KIF26B: variants seen among roughly 807,000 people sequenced by gnomAD.
KIF26B encodes the protein kinesin-like protein KIF26B.
A neutral mutation model predicts 151.2 loss-of-function variants in KIF26B; 63 were observed. That is an observed-to-expected ratio of 0.42 (90% CI 0.34 to 0.51). The LOEUF (loss-of-function observed/expected upper bound fraction) is 0.51, where lower values mean the gene tolerates loss of function less well. Among genes scored for constraint, KIF26B ranks in the 20% least tolerant of loss-of-function variants. The probability of loss-of-function intolerance (pLI) is 0.07; values close to 1 mark genes in which losing one functional copy is unlikely to be tolerated. For missense variants in KIF26B, 2,813 were observed against 2,913.6 expected (o/e 0.97, Z 0.79); for synonymous variants, 1,357 against 1,262.1 (o/e 1.08, Z -1.59).
chr1:245,638,445 T>C (rs1190116359), intron 9 of KIF26B, among the ~76,000 whole-genome samples: 1 of 151,954 alleles, frequency 6.6e-6, no homozygotes, highest in South Asian at 2.1e-4. Context: ...TTTGACTTCT[T>C]CCTTTCTAAT....
chr1:245,415,468 G>A (rs572183758), intron 3 of KIF26B, among the ~76,000 whole-genome samples: 32 of 152,204 alleles, frequency 2.1e-4, no homozygotes, highest in African/African-American at 7.0e-4. Flanking sequence ...TGGCACCTTG[G>A]TAAGAAGTTA....
chr1:245,268,046 C>T (rs1670779025), intron 2 of KIF26B, among the ~76,000 whole-genome samples: 1 of 152,098 alleles, frequency 6.6e-6, no homozygotes, highest in Non-Finnish European at 1.5e-5. Flanking sequence ...GTGCCTCATG[C>T]CTATAATCCT....
chr1:245,397,158 G>A (rs531343389), intron 3 of KIF26B, among the ~76,000 whole-genome samples: 79 of 150,250 alleles, frequency 5.3e-4, no homozygotes, highest in African/African-American at 1.8e-3. Flanking sequence ...TAGGAGTTTT[G>A]CCACACTGCC....
chr1:245,219,113 G>A (rs1669707405), intron 2 of KIF26B, among the ~76,000 whole-genome samples: 1 of 138,978 alleles, frequency 7.2e-6, no homozygotes, highest in Non-Finnish European at 1.5e-5. Context: ...ACAGGAGGTA[G>A]CAAATACCTA....
intron 5 of KIF26B, among the ~76,000 whole-genome samples, chr1:245,542,217 G>A (rs1371227220): frequency 6.6e-6 from 1 of 152,240 alleles, no homozygotes. Context: ...GCTGGGCACA[G>A]TGGCAGATGC....
At position 245,694,063 on chromosome 1, in the gene KIF26B, C is replaced by T. The variant is rs555634037; in HGVS notation, c.5825-4043C>T. ...TGATGCTGTGAGATGACACTGTGGT[C>T]CTAGGTGCGGGGTTCGGAATCGCAG... On this transcript the variant is annotated intron_variant, in intron 12 of 14. Transcript: ENST00000407071. 2.6e-5 allele frequency among the ~76,000 whole-genome samples: 4 copies of T among 152,328 alleles called. No individual in the cohort carries two copies. The East Asian group carries it at 7.7e-4, about 29-fold the overall frequency.
chr1:245,659,554 G>T (rs2044111394), intron 10 of KIF26B, among the ~76,000 whole-genome samples: 2 of 152,178 alleles, frequency 1.3e-5, no homozygotes, highest in South Asian at 4.1e-4. Flanking sequence ...ACATATATTT[G>T]CTCTACCGGG....
Position 245,155,525 on chromosome 1 carries a change from G to C in KIF26B, c.63+38G>C, listed in dbSNP as rs538888160. The stretch of plus-strand genomic sequence containing the variant: ...GGTACGACGCGGAGACGCGTTACCA[G>C]ACCCATCTCGGCGGAGGTCCCCCTT... On this transcript the variant is annotated intron_variant, in intron 1 of 14. Coordinates refer to ENST00000407071, the MANE Select transcript of KIF26B (RefSeq NM_018012.4). The C allele has an allele frequency of 1.2e-5, 19 of 1,555,592 alleles. 1 individual carries two copies. The South Asian group carries it at 2.2e-4, about 18-fold the overall frequency.
intron 4 of KIF26B, among the ~76,000 whole-genome samples, chr1:245,438,085 T>G (rs79734484): frequency 0.011 from 1,679 of 152,336 alleles, 37 homozygotes; most frequent in African/African-American, 0.038. Flanking sequence ...TTCTTGACTT[T>G]CCACTATGTT....
rs1553277413 is a variant in KIF26B, at chr1:245,471,115, A to ATGTGTG, written c.1166+51382_1166+51387dup. 2.9e-3 allele frequency among the ~76,000 whole-genome samples: 418 copies of ATGTGTG among 142,558 alleles called. 3 individuals carry two copies. Among genetic ancestry groups the ATGTGTG allele is most frequent in the African/African-American group, 0.01 (404 of 38,906 alleles). 93.5% of individuals were successfully genotyped at this position (142,558 alleles called of 152,430 possible). A position where few individuals can be genotyped will look rare whatever the true frequency, so the allele number is the denominator to read the frequency against. On this transcript the variant is annotated intron_variant, in intron 4 of 14. Transcript: ENST00000407071. ...AGCCTATTATTTAGATTTTGATAGT[A>ATGTGTG]TGTGTGTGTGTGTGTGTATATATAT...
intron 4 of KIF26B, among the ~76,000 whole-genome samples, chr1:245,527,368 T>A (rs1440907529): frequency 6.6e-6 from 1 of 152,112 alleles, no homozygotes; most frequent in African/African-American, 2.4e-5. Flanking sequence ...TGTCTTTCTC[T>A]GTCTATATTT....
rs1157725231 is a variant in KIF26B at position 245,688,219 on chromosome 1, C to G, written c.5236C>G (p.Arg1746Gly). The G allele has an allele frequency of 2.5e-6, 4 of 1,587,900 alleles. No homozygotes were observed. Among genetic ancestry groups the G allele is most frequent in the Non-Finnish European group, 3.4e-6 (4 of 1,171,818 alleles). The change falls in exon 12 of 15, where the codon CGC (arginine) becomes GGC (glycine). Residue 1746 changes from arginine to glycine, a missense_variant. This residue lies in a region of KIF26B where 2,060 missense variants were observed against 2,088.6 expected (regional missense o/e 0.99). Coordinates refer to ENST00000407071, the MANE Select transcript of KIF26B (RefSeq NM_018012.4). The stretch of plus-strand genomic sequence containing the variant: ...ACTCCTCCTGGCCAGCCCCAGAGCG[C>G]GCGGCCCGTCCGCCTCCACCACCAA... ...SRLLLASPRA[R>G]GPSASTTKTL...
At chr1:245,421,751 A>G (rs1277175355) in intron 4 of KIF26B, among the ~76,000 whole-genome samples, 1 of 152,060 alleles carries the variant, frequency 6.6e-6, no homozygotes, top group Non-Finnish European at 1.5e-5. Context: ...GGAGAACATG[A>G]GTTCTCCTTA....
At chr1:245,477,547 G>A (rs1660066934) in intron 4 of KIF26B, among the ~76,000 whole-genome samples, 1 of 151,884 alleles carries the variant, frequency 6.6e-6, no homozygotes, top group Non-Finnish European at 1.5e-5. Flanking sequence ...GTGGAATGGT[G>A]CAGGTGGCAT....
At chr1:245,499,021 G>A (rs1006947345) in intron 4 of KIF26B, among the ~76,000 whole-genome samples, 3 of 152,140 alleles carry the variant, frequency 2.0e-5, no homozygotes, top group Non-Finnish European at 2.9e-5. Flanking sequence ...GAGGCAACCG[G>A]TTGCCAGACT....
intron 10 of KIF26B, among the ~76,000 whole-genome samples, chr1:245,678,193 T>A (rs1383645549): frequency 6.6e-6 from 1 of 151,988 alleles, no homozygotes. Context: ...TCTGTCCCCC[T>A]CTGGTGTTGC....
intron 3 of KIF26B, among the ~76,000 whole-genome samples, chr1:245,374,138 T>TATATATATAC (rs1673216401): frequency 1.1e-5 from 1 of 88,314 alleles, no homozygotes; most frequent in Non-Finnish European, 2.2e-5. Context: ...TATATATATA[T>TATATATATAC]GGGCACAAAA....
chr1:245,707,017 T>C lies in KIF26B; in HGVS notation c.*4411T>C, dbSNP rs927743800. On this transcript the variant is annotated 3_prime_UTR_variant, in exon 15 of 15. Coordinates refer to ENST00000407071, the MANE Select transcript of KIF26B (RefSeq NM_018012.4). ...TCACTTAGTAATCTTCCTGACAAAATGACACATTTTAAAATTACAACCTGT... is the reference window on the plus strand; with the variant it reads ...TCACTTAGTAATCTTCCTGACAAAACGACACATTTTAAAATTACAACCTGT... 1.3e-5 allele frequency: 2 copies of C among 152,204 alleles called. No individual in the cohort carries two copies. The highest frequency in any genetic ancestry group is 2.4e-5 in the African/African-American group (1 of 41,458). 9.4% of individuals were successfully genotyped at this position (152,204 alleles called of 1,614,324 possible). A position where few individuals can be genotyped will look rare whatever the true frequency, so the allele number is the denominator to read the frequency against.
At chr1:245,589,946 G>A (rs946978305) in intron 5 of KIF26B, among the ~76,000 whole-genome samples, 2 of 152,224 alleles carry the variant, frequency 1.3e-5, no homozygotes, top group Non-Finnish European at 2.9e-5. Flanking sequence ...AGCTTTGCCT[G>A]GGTCCTGTTG....
Sources: allele counts gnomAD v4.1 joint callset (sites outside exome capture counted in the v4.1 genomes callset), GRCh38; gene constraint gnomAD v4.1.1; regional missense constraint gnomAD v4.1.1; transcripts MANE v1.5; gene names NCBI Gene and HGNC (gene_info 2026-07-23, HGNC 2026-07-21).